The following CHD7 variants were observed in gnomAD, a reference collection of about 807,000 sequenced individuals.
CHD7 encodes the protein ATP-dependent chromatin remodeler CHD7.
A neutral mutation model predicts 307.3 loss-of-function variants in CHD7; 24 were observed. The ratio of observed to expected loss-of-function variants is 0.08; its 90% confidence interval spans 0.06 to 0.11. CHD7 has a LOEUF of 0.11. Ranked by LOEUF, CHD7 falls within the 10% of genes least tolerant of loss-of-function variation. The pLI, the probability that CHD7 is intolerant of heterozygous loss-of-function variation, is 1.00. For synonymous variants in CHD7, 1,363 were observed against 1,349.9 expected (o/e 1.01, Z -0.21); for missense variants, 3,106 against 3,727.1 (o/e 0.83, Z 4.34).
intron 1 of CHD7, among the ~76,000 whole-genome samples, chr8:60,735,010 A>C (rs1032027148): frequency 6.6e-6 from 1 of 152,208 alleles, no homozygotes; most frequent in East Asian, 1.9e-4. Flanking sequence ...TAGTGTAAAC[A>C]GGGAGGAGGA....
chr8:60,810,126 C>G (rs1200441837), intron 7 of CHD7, among the ~76,000 whole-genome samples: 1 of 152,194 alleles, frequency 6.6e-6, no homozygotes, highest in African/African-American at 2.4e-5. Flanking sequence ...CAGACTGGCT[C>G]TTCTGTCTTT....
At chr8:60,776,889 G>T (rs1810978857) in intron 2 of CHD7, among the ~76,000 whole-genome samples, 1 of 152,174 alleles carries the variant, frequency 6.6e-6, no homozygotes, top group Non-Finnish European at 1.5e-5. Context: ...TAATAAAAAT[G>T]TGTCTCCAAA....
intron 3 of CHD7, among the ~76,000 whole-genome samples, chr8:60,787,851 A>G (rs6999559): frequency 0.8 from 113,524 of 142,600 alleles, 45,358 homozygotes; most frequent in East Asian, 0.94. Context: ...TTTTTTTTGA[A>G]ACAGACTCGC....
intron 1 of CHD7, among the ~76,000 whole-genome samples, chr8:60,693,682 A>C (rs1458099673): frequency 6.6e-6 from 1 of 152,222 alleles, no homozygotes; most frequent in African/African-American, 2.4e-5. Context: ...CACATTCCTG[A>C]CATCTGATTG....
Position 60,852,113 on chromosome 8 carries a change from T to C in CHD7, c.5760T>C (p.Tyr1920=), listed in dbSNP as rs375960272. Residue 1920 remains tyrosine, a synonymous_variant, in exon 29 of 38, where the codon TAT becomes TAC. Transcript: ENST00000423902. ...TTRLRRLITA[Y]QRSYKRQQMR... is the part of the protein sequence containing the mutation. ...GTCTGCGCCGGCTCATTACTGCCTATCAGCGCAGCTATAAAAGGCAACAGA... is the reference window on the plus strand; with the variant it reads ...GTCTGCGCCGGCTCATTACTGCCTACCAGCGCAGCTATAAAAGGCAACAGA... 1.2e-6 allele frequency: 2 copies of C among 1,613,946 alleles called. No individual in the cohort carries two copies. The highest frequency in any genetic ancestry group is 1.7e-4 in the Middle Eastern group (1 of 6,060).
At chr8:60,753,252 A>C (rs1035787981) in intron 2 of CHD7, among the ~76,000 whole-genome samples, 67 of 152,316 alleles carry the variant, frequency 4.4e-4, no homozygotes, top group African/African-American at 1.5e-3. Flanking sequence ...CAGACAGTGG[A>C]ACATGTCAAG....
intron 1 of CHD7, among the ~76,000 whole-genome samples, chr8:60,716,533 A>C (rs909032634): frequency 6.6e-6 from 1 of 152,152 alleles, no homozygotes; most frequent in African/African-American, 2.4e-5. Flanking sequence ...CTGACTCCTC[A>C]GTTCCTTCCC....
chr8:60,821,299 C>A (rs1451445586), intron 9 of CHD7, among the ~76,000 whole-genome samples: 2 of 152,076 alleles, frequency 1.3e-5, no homozygotes, highest in Non-Finnish European at 2.9e-5. Flanking sequence ...TTTCTTTATA[C>A]TTTTTGGCTT....
intron 21 of CHD7, among the ~76,000 whole-genome samples, chr8:60,844,542 C>T (rs533539170): frequency 6.6e-6 from 1 of 152,236 alleles, no homozygotes; most frequent in Admixed American, 6.5e-5. Context: ...GAAGCAAAGT[C>T]CATGATTTCC....
In CHD7 at chr8:60,781,017, C is replaced by T; in HGVS notation, c.1683C>T (p.Pro561=). ...VPVHQHSPSE[P]FLEKPVPDMT... is the part of the protein sequence containing the mutation. ...TCTCTCAGCATTCCCCGTCGGAGCCCTTTCTAGAGAAACCAGTGCCGGATA... is the reference window on the plus strand; with the variant it reads ...TCTCTCAGCATTCCCCGTCGGAGCCTTTTCTAGAGAAACCAGTGCCGGATA... The change falls in exon 3 of 38, where the codon CCC becomes CCT. Residue 561 remains proline (P), a synonymous_variant. Transcript: ENST00000423902. 6.4e-7 allele frequency: 1 copy of T among 1,568,482 alleles called. No individual in the cohort carries two copies. The highest frequency in any genetic ancestry group is 8.6e-7 in the Non-Finnish European group (1 of 1,162,194).
Position 60,818,108 on chromosome 8 carries a change from TCCTC to T in CHD7, c.2613+1612_2613+1615del, listed in dbSNP as rs569819862. On this transcript the variant is annotated intron_variant, in intron 8 of 37. Coordinates refer to ENST00000423902, the MANE Select transcript of CHD7 (RefSeq NM_017780.4). ...TAGCAGAGAAGGATAGCAATCCCCT[TCCTC>T]CCTCTCTTTTATACATGAAAGTGCA... Among the ~76,000 whole-genome samples, 109 of 152,272 alleles carry T rather than the reference TCCTC, an allele frequency of 7.2e-4. 1 individual carries two copies. The highest frequency in any genetic ancestry group is 6.0e-3 in the South Asian group (29 of 4,824).
intron 12 of CHD7, 131 bp from the exon 13 acceptor site, chr8:60,823,709 C>G: frequency 1.3e-6 from 1 of 766,660 alleles, no homozygotes; most frequent in Non-Finnish European, 2.1e-6. Context: ...AACTTGAAAA[C>G]AGAATGTATG....
chr8:60,772,046 A>G (rs1810738410), intron 2 of CHD7, among the ~76,000 whole-genome samples: 1 of 152,192 alleles, frequency 6.6e-6, no homozygotes, highest in Admixed American at 6.5e-5. Context: ...GAAGATAGAG[A>G]TAATGGGGCC....
intron 1 of CHD7, among the ~76,000 whole-genome samples, chr8:60,698,052 C>T (rs113035000): frequency 6.6e-6 from 1 of 152,166 alleles, no homozygotes; most frequent in African/African-American, 2.4e-5. Context: ...AGGAGTGATG[C>T]CAAAAATCTA....
chr8:60,720,627 C>T (rs1198952533), intron 1 of CHD7, among the ~76,000 whole-genome samples: 2 of 152,222 alleles, frequency 1.3e-5, no homozygotes, highest in African/African-American at 2.4e-5. Flanking sequence ...CTCCGTGAGC[C>T]TGTGCACCCT....
intron 1 of CHD7, among the ~76,000 whole-genome samples, chr8:60,697,145 A>C (rs543322661): frequency 3.9e-5 from 6 of 152,314 alleles, no homozygotes; most frequent in African/African-American, 1.4e-4. Flanking sequence ...GGTGGAAGAG[A>C]AGCCTCTTGA....
At chr8:60,771,290 G>C (rs1810698587) in intron 2 of CHD7, among the ~76,000 whole-genome samples, 1 of 152,204 alleles carries the variant, frequency 6.6e-6, no homozygotes, top group South Asian at 2.1e-4. Flanking sequence ...ACACTTTACA[G>C]GTTGACTATC....
intron 2 of CHD7, among the ~76,000 whole-genome samples, chr8:60,765,738 G>T (rs1031309518): frequency 5.9e-5 from 9 of 152,236 alleles, no homozygotes; most frequent in African/African-American, 2.2e-4. Context: ...GGTGCTGAGG[G>T]TTTCAGCTTT....
chr8:60,684,207 G>T (rs538439522), intron 1 of CHD7, among the ~76,000 whole-genome samples: 1 of 152,266 alleles, frequency 6.6e-6, no homozygotes, highest in South Asian at 2.1e-4. Flanking sequence ...TTCACTCTCA[G>T]GCTTGTTTAC....
Sources: allele counts gnomAD v4.1 joint callset (sites outside exome capture counted in the v4.1 genomes callset), GRCh38; gene constraint gnomAD v4.1.1; transcripts MANE v1.5; gene names NCBI Gene and HGNC (gene_info 2026-07-23, HGNC 2026-07-21).